The following DSTYK variants were observed in gnomAD, a reference collection of about 807,000 sequenced individuals.
The protein encoded by DSTYK is RIP-homologous kinase.
A neutral mutation model predicts 98.7 loss-of-function variants in DSTYK; 34 were observed. The ratio of observed to expected loss-of-function variants is 0.34; its 90% CI spans 0.26 to 0.46. The LOEUF (loss-of-function observed/expected upper bound fraction) is 0.46. Among genes scored for constraint, DSTYK ranks in the 20% least tolerant of loss-of-function variants. DSTYK has a pLI of 1.00. For synonymous variants in DSTYK, 462 were observed against 457.3 expected, an observed-to-expected ratio of 1.01 and a Z score of -0.13; for missense variants, 962 against 1,181.7, an observed-to-expected ratio of 0.81 and a Z score of 2.73.
chr1:205,158,849 A>G lies in DSTYK; in HGVS notation c.2238+698T>C, dbSNP rs78129190. 5.0e-3 allele frequency among the ~76,000 whole-genome samples: 754 copies of G among 152,262 alleles called. 4 individuals carry two copies. The highest frequency in any genetic ancestry group is 0.018 in the African/African-American group (730 of 41,540). On this transcript the variant is annotated intron_variant, in intron 9 of 12. Coordinates refer to ENST00000367162, the MANE Select transcript of DSTYK (RefSeq NM_015375.3). ...CAATTATACCTTCTGATATCCTCTA[A>G]TGGTGCTTAATGCTGGACCTTGTAC...
intron 2 of DSTYK, among the ~76,000 whole-genome samples, chr1:205,185,132 C>T (rs566998082): frequency 3.3e-5 from 5 of 152,134 alleles, no homozygotes; most frequent in African/African-American, 9.6e-5. Flanking sequence ...ATCTGGAAGG[C>T]GGAGGTTGCA....
At chr1:205,162,007 C>T in intron 6 of DSTYK, 29 bp downstream of exon 6, 1 of 1,599,796 alleles carries the variant, frequency 6.3e-7, no homozygotes, top group Non-Finnish European at 8.5e-7. Context: ...CTGCTTGATC[C>T]AGCTGTATCT....
rs146622943 is a variant in DSTYK, at chr1:205,193,048, C to T, written c.266-5242G>A. The stretch of plus-strand genomic sequence containing the variant: ...GATACAATCCCTATGAAAGTTGCCC[C>T]AAACCATGAGGAATAAAGCATATGG... On this transcript the variant is annotated intron_variant, in intron 1 of 12. Coordinates refer to ENST00000367162, the MANE Select transcript of DSTYK (RefSeq NM_015375.3). 9.9e-4 allele frequency among the ~76,000 whole-genome samples: 150 copies of T among 152,250 alleles called. 2 individuals are homozygous for T. Among genetic ancestry groups the T allele is most frequent in the African/African-American group, 3.4e-3 (142 of 41,556 alleles).
chr1:205,189,152 CA>C (rs61199006), intron 1 of DSTYK, among the ~76,000 whole-genome samples: 70,870 of 150,644 alleles, frequency 0.47, 19,513 homozygotes, highest in Non-Finnish European at 0.62. Flanking sequence ...AAATCTAAAA[CA>C]AAAAAAAACA....
intron 3 of DSTYK, among the ~76,000 whole-genome samples, chr1:205,166,122 A>T (rs1004776419): frequency 2.6e-5 from 4 of 152,234 alleles, no homozygotes; most frequent in Non-Finnish European, 5.9e-5. Flanking sequence ...CCATTAGAAG[A>T]AGACAAATTT....
intron 6 of DSTYK, 58 bp downstream of exon 6, chr1:205,161,978 A>T: frequency 6.4e-7 from 1 of 1,556,076 alleles, no homozygotes. Context: ...AAATATTCCC[A>T]TCTGGATGAG....
At chr1:205,172,940 C>T (rs1658111765) in intron 2 of DSTYK, 2 of 152,184 alleles carry the variant, frequency 1.3e-5, no homozygotes, top group Admixed American at 6.5e-5. Context: ...CCTTTCACTA[C>T]CCTGAGTCAC....
At chr1:205,195,748 T>C (rs1463097833) in intron 1 of DSTYK, among the ~76,000 whole-genome samples, 2 of 152,242 alleles carry the variant, frequency 1.3e-5, no homozygotes, top group African/African-American at 2.4e-5. Flanking sequence ...CAGATAGTAT[T>C]GGCACCGGGG....
chr1:205,143,061 A>G lies in DSTYK; in HGVS notation c.*4497T>C, dbSNP rs1657119635. 6.6e-6 allele frequency: 1 copy of G among 152,184 alleles called. No homozygotes were observed. The highest frequency in any genetic ancestry group is 6.5e-5 in the Admixed American group (1 of 15,278). The allele number at this position is 152,184 out of a possible 1,614,324, so 9.4% of individuals were successfully genotyped here. On this transcript the variant is annotated 3_prime_UTR_variant, in exon 13 of 13. Coordinates refer to ENST00000367162, the MANE Select transcript of DSTYK (RefSeq NM_015375.3). ...GAGAGTTTGGAATACAAGTGTCTCA[A>G]GGCCACTCCCTCCTTACCCACTTTA...
chr1:205,176,656 G>A (rs1317415709), intron 2 of DSTYK, among the ~76,000 whole-genome samples: 1 of 151,586 alleles, frequency 6.6e-6, no homozygotes, highest in Non-Finnish European at 1.5e-5. Context: ...TGCCCAGGCT[G>A]GTCTTAAAAC....
At chr1:205,163,575 G>A in intron 4 of DSTYK, 148 bp downstream of exon 4, 1 of 705,978 alleles carries the variant, frequency 1.4e-6, no homozygotes, top group Non-Finnish European at 2.4e-6. Context: ...CACAGGCAGT[G>A]GTCATGTGAC....
chr1:205,180,257 T>C (rs1473909724), intron 2 of DSTYK, among the ~76,000 whole-genome samples: 1 of 151,144 alleles, frequency 6.6e-6, no homozygotes, highest in Non-Finnish European at 1.5e-5. Context: ...ATACTCTCCC[T>C]CCCCTTTCCC....
At chr1:205,162,276 G>A in intron 5 of DSTYK, 64 bp from the exon 6 acceptor site, 13 of 1,564,094 alleles carry the variant, frequency 8.3e-6, no homozygotes, top group Non-Finnish European at 1.1e-5. Context: ...CAAAGATCCA[G>A]TGTCCTTCCT....
At chr1:205,203,991 G>A (rs145841179) in intron 1 of DSTYK, among the ~76,000 whole-genome samples, 120 of 152,300 alleles carry the variant, frequency 7.9e-4, no homozygotes, top group African/African-American at 2.8e-3. Flanking sequence ...AGATTCGGAA[G>A]GAGAAAGGCC....
intron 2 of DSTYK, among the ~76,000 whole-genome samples, chr1:205,184,942 T>C (rs1408457405): frequency 6.6e-6 from 1 of 152,244 alleles, no homozygotes; most frequent in Admixed American, 6.5e-5. Flanking sequence ...CTCATGCCTG[T>C]AATCCCAGCA....
At chr1:205,209,285 T>C (rs1282547529) in intron 1 of DSTYK, among the ~76,000 whole-genome samples, 2 of 152,214 alleles carry the variant, frequency 1.3e-5, no homozygotes, top group African/African-American at 4.8e-5. Context: ...AGATAAGCTG[T>C]GAGAGAAACT....
intron 2 of DSTYK, among the ~76,000 whole-genome samples, chr1:205,184,581 A>C (rs1370853547): frequency 6.6e-6 from 1 of 152,152 alleles, no homozygotes. Context: ...CAAAAACACA[A>C]ACAAACAAAA....
chr1:205,207,153 A>G (rs573871942), intron 1 of DSTYK, among the ~76,000 whole-genome samples: 35 of 146,082 alleles, frequency 2.4e-4, no homozygotes, highest in African/African-American at 8.6e-4. Flanking sequence ...ATCTCGACTC[A>G]CTGCAACCTC....
intron 10 of DSTYK, among the ~76,000 whole-genome samples, chr1:205,152,092 CAT>C (rs545273066): frequency 1.6e-3 from 249 of 152,310 alleles, no homozygotes; most frequent in South Asian, 2.5e-3. Context: ...ACGAGCATCA[CAT>C]GTGTATTGCA....
Sources: gnomAD v4.1 joint callset for allele counts (sites outside exome capture counted in the v4.1 genomes callset) on GRCh38, gnomAD v4.1.1 for gene constraint, MANE v1.5 for transcripts, NCBI Gene and HGNC (gene_info 2026-07-23, HGNC 2026-07-21) for gene names.